EXT1: variants seen among roughly 807,000 people sequenced by gnomAD.
EXT1 encodes the protein exostosin glycosyltransferase 1, also known as exostosin-1.
In EXT1, 20 loss-of-function variants were observed where a neutral mutation model predicts 82.5. The observed-to-expected ratio is 0.24, with a 90% CI of 0.17 to 0.35. The LOEUF (loss-of-function observed/expected upper bound fraction) is 0.35. EXT1 is among the 10% of genes least tolerant of loss of function. EXT1 has a pLI of 1.00. For synonymous variants in EXT1, 348 were observed against 350.8 expected (o/e 0.99, Z 0.09); for missense variants, 757 against 936.5 (o/e 0.81, Z 2.50).
chr8:117,818,465 C>A lies in EXT1; in HGVS notation c.1602G>T (p.Val534=). The A allele has an allele frequency of 6.2e-7, 1 of 1,614,088 alleles. No homozygotes were observed. The highest frequency in any genetic ancestry group is 1.7e-5 in the Admixed American group (1 of 59,982). The stretch of plus-strand genomic sequence containing the variant: ...TCTCTCCTTCAATGACGACGACAGG[C>A]ACAGCAGTGGCAGGCCAGCGGTGTT... ...PAKHRWPATA[V]PVVVIEGESK... The change falls in exon 7 of 11, where the codon GTG becomes GTT. Residue 534 remains valine (V), a synonymous_variant. Coordinates refer to ENST00000378204, the MANE Select transcript of EXT1 (RefSeq NM_000127.3).
intron 1 of EXT1, among the ~76,000 whole-genome samples, chr8:118,038,252 A>C (rs1447510541): frequency 1.3e-5 from 2 of 152,270 alleles, no homozygotes; most frequent in Non-Finnish European, 2.9e-5. Context: ...AAAATATATG[A>C]AAAGGCAAAA....
chr8:118,088,440 C>T (rs187366878), intron 1 of EXT1, among the ~76,000 whole-genome samples: 1 of 150,774 alleles, frequency 6.6e-6, no homozygotes, highest in East Asian at 1.9e-4. Context: ...TCTGCAGCCA[C>T]CACAGAAGGA....
intron 1 of EXT1, among the ~76,000 whole-genome samples, chr8:118,076,115 C>T (rs2129973120): frequency 6.6e-6 from 1 of 152,184 alleles, no homozygotes; most frequent in African/African-American, 2.4e-5. Context: ...AAGCAATATT[C>T]CAAAAGAACC....
At chr8:117,820,796 C>G (rs564411307) in intron 5 of EXT1, among the ~76,000 whole-genome samples, 3 of 152,282 alleles carry the variant, frequency 2.0e-5, no homozygotes, top group Non-Finnish European at 4.4e-5. Context: ...TATCATCACC[C>G]TCACCAACAT....
chr8:118,016,749 C>T (rs945742986), intron 1 of EXT1, among the ~76,000 whole-genome samples: 4 of 152,206 alleles, frequency 2.6e-5, no homozygotes, highest in Admixed American at 2.6e-4. Context: ...TAAAAACTAA[C>T]CTACAACTGA....
At chr8:117,965,526 A>G (rs1386397499) in intron 1 of EXT1, among the ~76,000 whole-genome samples, 1 of 152,074 alleles carries the variant, frequency 6.6e-6, no homozygotes, top group Non-Finnish European at 1.5e-5. Context: ...AAATAGTTTC[A>G]AGGTTTGCAG....
intron 1 of EXT1, among the ~76,000 whole-genome samples, chr8:118,007,254 G>A (rs536921706): frequency 5.9e-5 from 9 of 151,788 alleles, no homozygotes; most frequent in Admixed American, 3.3e-4. Flanking sequence ...CTGAGATCGC[G>A]CCACTGCACT....
chr8:117,929,231 T>C (rs571867131), intron 1 of EXT1, among the ~76,000 whole-genome samples: 1 of 152,210 alleles, frequency 6.6e-6, no homozygotes, highest in East Asian at 1.9e-4. Context: ...GAAGAAATAC[T>C]CCAAGGAAGG....
chr8:117,985,117 A>G (rs1246643104), intron 1 of EXT1, among the ~76,000 whole-genome samples: 1 of 152,190 alleles, frequency 6.6e-6, no homozygotes, highest in Non-Finnish European at 1.5e-5. Flanking sequence ...CGACTCTTTG[A>G]AACTTTTGAA....
Position 118,111,617 on chromosome 8 carries a change from T to C in EXT1, c.-571A>G, listed in dbSNP as rs749731501. 47 of 399,242 alleles carry C rather than the reference T, an allele frequency of 1.2e-4. No homozygotes were observed. Among genetic ancestry groups the C allele is most frequent in the Non-Finnish European group, 1.4e-4 (32 of 226,650 alleles). The allele number at this position is 399,242 out of a possible 1,614,324, so 24.7% of individuals were successfully genotyped here. A position where few individuals can be genotyped will look rare whatever the true frequency, so the allele number is the denominator to read the frequency against. On this transcript the variant is annotated 5_prime_UTR_variant, in exon 1 of 11. Transcript: ENST00000378204. ...CCCTGCATCTCTCTTTATTCCCTTC[T>C]GCAGCGGCTCCAAGACTCCGGCGGT...
intron 1 of EXT1, among the ~76,000 whole-genome samples, chr8:117,910,766 G>C (rs765266088): frequency 6.6e-6 from 1 of 152,208 alleles, no homozygotes; most frequent in Non-Finnish European, 1.5e-5. Context: ...CAAATGCTTT[G>C]ACTCTACTTT....
At chr8:118,105,327 G>A (rs1817788775) in intron 1 of EXT1, among the ~76,000 whole-genome samples, 1 of 152,306 alleles carries the variant, frequency 6.6e-6, no homozygotes, top group African/African-American at 2.4e-5. Context: ...GTGACCAAAG[G>A]TGGCCTCCAA....
chr8:117,934,765 A>G (rs990246289), intron 1 of EXT1, among the ~76,000 whole-genome samples: 1 of 152,214 alleles, frequency 6.6e-6, no homozygotes, highest in Non-Finnish European at 1.5e-5. Flanking sequence ...GCACTGCGGT[A>G]CAGGACAGCA....
At chr8:117,889,149 A>C (rs1190171255) in intron 1 of EXT1, among the ~76,000 whole-genome samples, 2 of 152,122 alleles carry the variant, frequency 1.3e-5, no homozygotes, top group Non-Finnish European at 1.5e-5. Context: ...AGCATGTAAG[A>C]TATGTGTTTA....
chr8:117,801,818 T>C (rs944852937), intron 10 of EXT1, among the ~76,000 whole-genome samples: 1 of 152,238 alleles, frequency 6.6e-6, no homozygotes, highest in Admixed American at 6.5e-5. Flanking sequence ...TGGGCCATTT[T>C]TGATTGGCCC....
intron 1 of EXT1, among the ~76,000 whole-genome samples, chr8:118,088,363 A>C (rs1433246087): frequency 6.6e-6 from 1 of 152,180 alleles, no homozygotes; most frequent in Non-Finnish European, 1.5e-5. Flanking sequence ...GTTAAGATGG[A>C]ATGAACCAGG....
chr8:117,800,422 A>G (rs1303606360), intron 10 of EXT1, among the ~76,000 whole-genome samples: 3 of 152,154 alleles, frequency 2.0e-5, no homozygotes. Flanking sequence ...TTTGTTAAAA[A>G]TTCACATATA....
chr8:117,964,004 G>A (rs543596905), intron 1 of EXT1, among the ~76,000 whole-genome samples: 1 of 152,254 alleles, frequency 6.6e-6, no homozygotes, highest in South Asian at 2.1e-4. Context: ...TGGCTAAATG[G>A]TTATGTTGAT....
intron 1 of EXT1, among the ~76,000 whole-genome samples, chr8:118,027,313 TCACACACACACACACACACACACACA>T (rs71307421): frequency 1.4e-5 from 2 of 145,412 alleles, no homozygotes; most frequent in African/African-American, 2.5e-5. Flanking sequence ...TCAGTTTCTT[TCACACACACACACACACACACACACA>T]CACACACACA....
Sources: allele counts gnomAD v4.1 joint callset (sites outside exome capture counted in the v4.1 genomes callset), GRCh38; gene constraint gnomAD v4.1.1; transcripts MANE v1.5; gene names NCBI Gene and HGNC (gene_info 2026-07-23, HGNC 2026-07-21).